Variants in DOCK10 observed in about 807,000 individuals in gnomAD.
DOCK10 encodes the protein dedicator of cytokinesis 10.
Under a neutral mutation model 280.1 loss-of-function variants are expected in DOCK10, and 145 were observed. The observed-to-expected ratio is 0.52, with a 90% CI of 0.45 to 0.59. The LOEUF is 0.59. Among genes scored for constraint, DOCK10 ranks in the 20% least tolerant of loss-of-function variants. The probability of loss-of-function intolerance (pLI) is 0.00; values close to 1 mark genes in which losing one functional copy is unlikely to be tolerated. For missense variants in DOCK10, 2,368 were observed against 2,651.7 expected (o/e 0.89, Z 2.35); for synonymous variants, 915 against 942.2 (o/e 0.97, Z 0.53).
At position 224,841,857 on chromosome 2, in the gene DOCK10, T is replaced by C. The variant is rs1695985063; in HGVS notation, c.2608A>G (p.Arg870Gly). The C allele has an allele frequency of 6.2e-7, 1 of 1,611,948 alleles. No homozygotes were observed. The highest frequency in any genetic ancestry group is 8.5e-7 in the Non-Finnish European group (1 of 1,178,244). Residue 870 changes from arginine to glycine, a missense_variant, in exon 23 of 56, where the codon AGA becomes GGA. Physicochemically the swap from Arg to Gly is moderately radical, Grantham distance 125. Coordinates refer to ENST00000258390, the MANE Select transcript of DOCK10 (RefSeq NM_014689.3). ...VNAFFQECQK[R>G]EKDMSQSPTS... ...GGTGACTGAGACATATCTTTCTCTCTTTTTTGGCACTCTTGGAAAAATGCA... is the reference window on the plus strand; with the variant it reads ...GGTGACTGAGACATATCTTTCTCTCCTTTTTGGCACTCTTGGAAAAATGCA...
At chr2:224,861,461 C>T (rs1185483939) in intron 14 of DOCK10, 1 of 152,220 alleles carries the variant, frequency 6.6e-6, no homozygotes, top group African/African-American at 2.4e-5. Context: ...TATGACGCTG[C>T]CTTAGGGCAA....
At chr2:225,028,893 A>G (rs1282306586) in intron 1 of DOCK10, among the ~76,000 whole-genome samples, 1 of 152,234 alleles carries the variant, frequency 6.6e-6, no homozygotes, top group Non-Finnish European at 1.5e-5. Context: ...GAAGTAAACC[A>G]GGCGTGTGTG....
Position 224,876,019 on chromosome 2 carries a change from C to A in DOCK10, c.931+19G>T. 1 of 1,601,476 alleles carries A rather than the reference C, an allele frequency of 6.2e-7. No individual in the cohort carries two copies. On this transcript the variant is annotated intron_variant, in intron 8 of 55. Transcript: ENST00000258390. ...GTCACACTGGACAAAGGAAGGAAGA[C>A]GGCTTCATATGCTCTCACCCAGACC... is the stretch of plus-strand genomic sequence containing the variant.
chr2:225,013,205 T>C lies in DOCK10; in HGVS notation c.123+29047A>G, dbSNP rs753644667. On this transcript the variant is annotated intron_variant, in intron 1 of 55. Transcript: ENST00000258390. ...AGGGAGATTGCACAAATCATTTCTT[T>C]GTTAAAATCAAACCACATTCCCTTT... Among the ~76,000 whole-genome samples the C allele has an allele frequency of 4.6e-5, 7 of 152,174 alleles. No individual in the cohort carries two copies. The South Asian group carries it at 6.2e-4, about 14-fold the overall frequency.
At chr2:224,773,758 A>T (rs1042110496) in intron 52 of DOCK10, among the ~76,000 whole-genome samples, 2 of 151,202 alleles carry the variant, frequency 1.3e-5, no homozygotes, top group African/African-American at 4.9e-5. Flanking sequence ...CAGCCTCTCG[A>T]GTAGCTGGGA....
intron 2 of DOCK10, among the ~76,000 whole-genome samples, chr2:224,925,799 C>T (rs1483387204): frequency 2.0e-5 from 3 of 152,314 alleles, no homozygotes; most frequent in Non-Finnish European, 2.9e-5. Flanking sequence ...ACATCTTTTG[C>T]TCAGGAAGAA....
intron 30 of DOCK10, among the ~76,000 whole-genome samples, chr2:224,816,011 G>GTGAC (rs1272628643): frequency 2.6e-5 from 4 of 151,942 alleles, no homozygotes; most frequent in Non-Finnish European, 4.4e-5. Context: ...CCCAGCCTGG[G>GTGAC]TGACAGAGTG....
chr2:225,010,244 T>C (rs545897104), intron 1 of DOCK10, among the ~76,000 whole-genome samples: 13 of 152,192 alleles, frequency 8.5e-5, no homozygotes, highest in African/African-American at 3.1e-4. Context: ...TCAAGAACCT[T>C]TTAAGCCTTG....
At chr2:224,876,932 C>T (rs1353720302) in intron 7 of DOCK10, among the ~76,000 whole-genome samples, 1 of 152,194 alleles carries the variant, frequency 6.6e-6, no homozygotes, top group Non-Finnish European at 1.5e-5. Context: ...AATTCCTTTC[C>T]TGGCTCTGGC....
intron 6 of DOCK10, 93 bp downstream of exon 6, chr2:224,885,970 C>T: frequency 6.5e-7 from 1 of 1,550,190 alleles, no homozygotes; most frequent in Non-Finnish European, 8.7e-7. Context: ...GAAACATAAA[C>T]TCAATGCAAA....
At chr2:224,797,182 T>C (rs530103213) in intron 42 of DOCK10, 36 bp from the exon 43 acceptor site, 1 of 1,517,702 alleles carries the variant, frequency 6.6e-7, no homozygotes, top group Non-Finnish European at 8.9e-7. Context: ...GGGAGCAACA[T>C]GCCTTCATTT....
At chr2:224,988,213 T>C (rs1202419300) in intron 1 of DOCK10, among the ~76,000 whole-genome samples, 1 of 152,136 alleles carries the variant, frequency 6.6e-6, no homozygotes, top group Non-Finnish European at 1.5e-5. Context: ...CCTCAGTCCT[T>C]ATCACGGTAC....
At chr2:224,788,713 C>T (rs1180076498) in intron 48 of DOCK10, among the ~76,000 whole-genome samples, 9 of 152,078 alleles carry the variant, frequency 5.9e-5, no homozygotes, top group Non-Finnish European at 1.5e-5. Context: ...TGAACTTTTA[C>T]GTCCACCTGC....
At chr2:224,935,455 T>C (rs10498174) in intron 1 of DOCK10, among the ~76,000 whole-genome samples, 48,514 of 152,022 alleles carry the variant, frequency 0.32, 7,962 homozygotes, top group Middle Eastern at 0.36. Context: ...TAAAGTAGAG[T>C]GTGAGTATAG....
At chr2:224,821,676 G>A (rs1238004930) in intron 28 of DOCK10, among the ~76,000 whole-genome samples, 3 of 151,866 alleles carry the variant, frequency 2.0e-5, no homozygotes, top group South Asian at 2.1e-4. Flanking sequence ...TTGCTTATTC[G>A]TCATTTTTTG....
At chr2:225,014,081 A>ATATATTTTTTTTTTTT (rs776104946) in intron 1 of DOCK10, among the ~76,000 whole-genome samples, 2 of 96,822 alleles carry the variant, frequency 2.1e-5, no homozygotes. Context: ...GTCTGAATAT[A>ATATATTTTTTTTTTTT]TTGTTTTTTT....
intron 42 of DOCK10, 37 bp from the exon 43 acceptor site, chr2:224,797,183 G>A: frequency 6.7e-7 from 1 of 1,501,184 alleles, no homozygotes. Context: ...GGAGCAACAT[G>A]CCTTCATTTT....
intron 27 of DOCK10, among the ~76,000 whole-genome samples, chr2:224,828,796 G>T (rs1204327150): frequency 1.3e-5 from 2 of 152,204 alleles, no homozygotes; most frequent in Non-Finnish European, 2.9e-5. Flanking sequence ...GGGAGTTGTA[G>T]AGCTGGTTAA....
At chr2:224,977,561 T>C (rs1705509646) in intron 1 of DOCK10, among the ~76,000 whole-genome samples, 1 of 152,184 alleles carries the variant, frequency 6.6e-6, no homozygotes, top group South Asian at 2.1e-4. Flanking sequence ...TAAGAAAATA[T>C]GCTATAAAGG....
Sources: gnomAD v4.1 joint callset for allele counts (sites outside exome capture counted in the v4.1 genomes callset) on GRCh38, gnomAD v4.1.1 for gene constraint, MANE v1.5 for transcripts, NCBI Gene and HGNC (gene_info 2026-07-23, HGNC 2026-07-21) for gene names.